QPRT: variants seen among roughly 807,000 people sequenced by gnomAD.
QPRT encodes nicotinate-nucleotide pyrophosphorylase [carboxylating].
Under a neutral mutation model 19.8 loss-of-function variants are expected in QPRT, and 17 were observed. That is an observed-to-expected ratio of 0.86 (90% CI 0.59 to 1.29). The LOEUF (loss-of-function observed/expected upper bound fraction) is 1.29. QPRT is among the 50% of genes most tolerant of loss of function. The pLI, the probability that QPRT is intolerant of heterozygous loss-of-function variation, is 0.00. For synonymous variants in QPRT, 178 were observed against 191.0 expected, an observed-to-expected ratio of 0.93 and a Z score of 0.56; for missense variants, 336 against 405.1, an observed-to-expected ratio of 0.83 and a Z score of 1.46.
intron 1 of QPRT, among the ~76,000 whole-genome samples, chr16:29,686,884 G>A (rs938534654): frequency 6.6e-6 from 1 of 152,174 alleles, no homozygotes; most frequent in Non-Finnish European, 1.5e-5. Flanking sequence ...TCCACACCTG[G>A]CAACTTCTTT....
chr16:29,690,670 ATTG>A (rs1175512922), intron 1 of QPRT, among the ~76,000 whole-genome samples: 1 of 151,826 alleles, frequency 6.6e-6, no homozygotes, highest in African/African-American at 2.4e-5. Context: ...ACAGGTCCCT[ATTG>A]TTGTGTGTAT....
At chr16:29,681,493 C>CTTTTTTTTTTTT (rs10680462) in intron 1 of QPRT, among the ~76,000 whole-genome samples, 5 of 97,130 alleles carry the variant, frequency 5.1e-5, no homozygotes, top group African/African-American at 8.4e-5. Context: ...GATCCAGATT[C>CTTTTTTTTTTTT]TTTTTTTTTT....
chr16:29,694,654 T>C lies in QPRT; in HGVS notation c.14-10T>C. The C allele has an allele frequency of 2.0e-6, 3 of 1,481,806 alleles. No homozygotes were observed. Among genetic ancestry groups the C allele is most frequent in the Non-Finnish European group, 2.7e-6 (3 of 1,115,400 alleles). 91.8% of individuals were successfully genotyped at this position (1,481,806 alleles called of 1,614,324 possible). On this transcript the variant is annotated splice_polypyrimidine_tract_variant and intron_variant, in intron 1 of 3. Transcript: ENST00000395384. ...AGCCAAACTCAACAGCTGTTCTCTC[T>C]TCCCCCCAGGCCTGGCGCTGCTGCT...
chr16:29,688,122 G>T (rs1318397043), intron 1 of QPRT, among the ~76,000 whole-genome samples: 2 of 151,542 alleles, frequency 1.3e-5, no homozygotes, highest in Non-Finnish European at 2.9e-5. Flanking sequence ...AGTGACCTTA[G>T]ATCAGAACTG....
chr16:29,691,092 C>T (rs924461462), intron 1 of QPRT, among the ~76,000 whole-genome samples: 4 of 150,332 alleles, frequency 2.7e-5, no homozygotes, highest in African/African-American at 9.8e-5. Context: ...TGGCCAGGCA[C>T]GGTGGCTCAC....
chr16:29,697,625 A>C lies in QPRT; in HGVS notation c.*214A>C. 3.4e-6 allele frequency: 2 copies of C among 582,162 alleles called. No homozygotes were observed. The highest frequency in any genetic ancestry group is 2.2e-5 in the South Asian group (1 of 45,610). 36.1% of individuals were successfully genotyped at this position (582,162 alleles called of 1,614,324 possible). A position where few individuals can be genotyped will look rare whatever the true frequency, so the allele number is the denominator to read the frequency against. On this transcript the variant is annotated 3_prime_UTR_variant, in exon 4 of 4. Transcript: ENST00000395384. This position sits in a 1 kb window ranked among gnomAD's most constrained non-coding sequence, Gnocchi z 4.4. Reference sequence around the variant, plus strand: ...CCTAATCTGTAAAATGGGTCTAATAAAGGATCAACCACATGGGGTTCTGCG... The same window carrying C: ...CCTAATCTGTAAAATGGGTCTAATACAGGATCAACCACATGGGGTTCTGCG...
Position 29,697,556 on chromosome 16 carries a change from C to T in QPRT, c.*145C>T. The stretch of plus-strand genomic sequence containing the variant: ...ACTCTGGCTCTGCCACCTGCTGCTC[C>T]TGTGACCTGTCAGGGCTGACTTCAC... On this transcript the variant is annotated 3_prime_UTR_variant, in exon 4 of 4. Transcript: ENST00000395384. The surrounding 1 kb of genome is among the most constrained non-coding windows in gnomAD (Gnocchi z 4.4). 1.2e-6 allele frequency: 1 copy of T among 803,216 alleles called. No individual in the cohort carries two copies. Among genetic ancestry groups the T allele is most frequent in the Non-Finnish European group, 1.9e-6 (1 of 519,246 alleles). 49.8% of individuals were successfully genotyped at this position (803,216 alleles called of 1,614,324 possible). A position where few individuals can be genotyped will look rare whatever the true frequency, so the allele number is the denominator to read the frequency against.
intron 1 of QPRT, 135 bp from the exon 2 acceptor site, chr16:29,694,529 T>TC: frequency 1.3e-6 from 1 of 743,068 alleles, no homozygotes; most frequent in Non-Finnish European, 1.9e-6. Context: ...CTCACCGCAG[T>TC]CCCCCCCCTG....
chr16:29,694,519 C>T, intron 1 of QPRT, 145 bp from the exon 2 acceptor site: 4 of 770,196 alleles, frequency 5.2e-6, no homozygotes, highest in Non-Finnish European at 7.7e-6. Flanking sequence ...GCCCCCCTTC[C>T]TCACCGCAGT....
intron 1 of QPRT, among the ~76,000 whole-genome samples, chr16:29,692,172 G>C (rs1422967680): frequency 6.6e-6 from 1 of 152,246 alleles, no homozygotes; most frequent in Non-Finnish European, 1.5e-5. Flanking sequence ...GCCTGGGTTT[G>C]CCTCTGCCCG....
At chr16:29,682,402 C>T (rs1185068791) in intron 1 of QPRT, among the ~76,000 whole-genome samples, 4 of 151,862 alleles carry the variant, frequency 2.6e-5, no homozygotes, top group Admixed American at 6.6e-5. Flanking sequence ...GATGGAGTTT[C>T]GCTCTTGTTG....
intron 1 of QPRT, among the ~76,000 whole-genome samples, chr16:29,687,841 A>G (rs957787982): frequency 1.1e-4 from 16 of 151,890 alleles, no homozygotes; most frequent in Admixed American, 1.3e-4. Flanking sequence ...TTAAAAAAAA[A>G]AAAAATTACC....
At chr16:29,679,733 A>T (rs922573578) in intron 1 of QPRT, among the ~76,000 whole-genome samples, 1 of 152,082 alleles carries the variant, frequency 6.6e-6, no homozygotes, top group Non-Finnish European at 1.5e-5. Flanking sequence ...GAGAAAAGAC[A>T]AGTTAAGATT....
At chr16:29,686,704 C>T (rs192190934) in intron 1 of QPRT, among the ~76,000 whole-genome samples, 4 of 152,130 alleles carry the variant, frequency 2.6e-5, no homozygotes, top group Admixed American at 1.3e-4. Context: ...CGGGGTTTCA[C>T]CATCTTGGCC....
At chr16:29,685,727 T>C (rs972519676) in intron 1 of QPRT, among the ~76,000 whole-genome samples, 2 of 151,742 alleles carry the variant, frequency 1.3e-5, no homozygotes, top group Admixed American at 6.6e-5. Flanking sequence ...GGGTCAGGCA[T>C]GGTGGATCAC....
upstream of QPRT, chr16:29,679,152 T>A (rs780203914): frequency 1.2e-6 from 2 of 1,613,704 alleles, no homozygotes; most frequent in African/African-American, 2.7e-5. Flanking sequence ...CTGGGAGCCT[T>A]GGTCCTGAGC....
At chr16:29,683,184 A>G (rs1215511886) in intron 1 of QPRT, among the ~76,000 whole-genome samples, 3 of 151,620 alleles carry the variant, frequency 2.0e-5, no homozygotes, top group African/African-American at 2.4e-5. Flanking sequence ...ACCACCACAC[A>G]TGGATAAATT....
intron 1 of QPRT, among the ~76,000 whole-genome samples, chr16:29,689,802 G>A (rs1967272822): frequency 6.6e-6 from 1 of 152,088 alleles, no homozygotes; most frequent in African/African-American, 2.4e-5. Context: ...ACCGGTGCTC[G>A]CAGCCCCTGT....
At chr16:29,695,407 C>G (rs1967499939) in intron 2 of QPRT, among the ~76,000 whole-genome samples, 2 of 150,504 alleles carry the variant, frequency 1.3e-5, no homozygotes, top group Non-Finnish European at 2.9e-5. Context: ...GCCTGCTTTT[C>G]TTTTTCTGGA....
Sources: gnomAD v4.1 joint callset for allele counts (sites outside exome capture counted in the v4.1 genomes callset) on GRCh38, gnomAD v4.1.1 for gene constraint, Gnocchi (gnomAD v3.1) non-coding constraint, MANE v1.5 for transcripts, NCBI Gene and HGNC (gene_info 2026-07-23, HGNC 2026-07-21) for gene names.